Variants in CLASP2 observed in about 807,000 individuals in gnomAD.
CLASP2 encodes the protein cytoplasmic linker associated protein 2, also known as CLIP-associating protein 2.
Under a neutral mutation model 194.4 loss-of-function variants are expected in CLASP2, and 47 were observed. That is an observed-to-expected ratio of 0.24 (90% CI 0.19 to 0.31). The LOEUF (loss-of-function observed/expected upper bound fraction) is 0.31. CLASP2 is among the 10% of genes least tolerant of loss of function. The pLI is 1.00. For synonymous variants in CLASP2, 619 were observed against 633.5 expected (o/e 0.98, Z 0.34); for missense variants, 1,445 against 1,823.6 (o/e 0.79, Z 3.78).
rs538758880 is a variant in CLASP2 at position 33,714,483 on chromosome 3, C to G, written c.195+3325G>C. Among the ~76,000 whole-genome samples the G allele has an allele frequency of 5.9e-5, 9 of 152,246 alleles. No homozygotes were observed. In the East Asian group the frequency reaches 1.7e-3, roughly 29 times the overall value. On this transcript the variant is annotated intron_variant, in intron 1 of 38. Coordinates refer to ENST00000682230, the MANE Select transcript of CLASP2 (RefSeq NM_001365631.1). ...GTTCTTCTCTCAGTCTTCCCTATTTCAATAAATAGCACAATCTAACCTACT... is the reference window on the plus strand; with the variant it reads ...GTTCTTCTCTCAGTCTTCCCTATTTGAATAAATAGCACAATCTAACCTACT...
At chr3:33,647,509 T>C (rs2082467833) in intron 7 of CLASP2, among the ~76,000 whole-genome samples, 1 of 152,204 alleles carries the variant, frequency 6.6e-6, no homozygotes, top group African/African-American at 2.4e-5. Flanking sequence ...TCTTTTTCTA[T>C]AAAGGACCAC....
intron 34 of CLASP2, among the ~76,000 whole-genome samples, chr3:33,533,113 C>T (rs1288625974): frequency 6.6e-6 from 1 of 152,160 alleles, no homozygotes; most frequent in African/African-American, 2.4e-5. Context: ...GACCCATGTG[C>T]ATAAATGATT....
intron 25 of CLASP2, among the ~76,000 whole-genome samples, chr3:33,571,015 A>AT (rs1027731514): frequency 0.076 from 9,364 of 123,898 alleles, 1,181 homozygotes; most frequent in African/African-American, 0.21. Context: ...GTCTCTATAA[A>AT]TTTTTTTTTT....
intron 23 of CLASP2, among the ~76,000 whole-genome samples, chr3:33,578,786 T>C (rs574344358): frequency 1.1e-4 from 17 of 152,278 alleles, no homozygotes; most frequent in South Asian, 4.1e-4. Flanking sequence ...TTGAAGATAA[T>C]AGGTGTCTGA....
At chr3:33,645,536 C>G (rs1159873309) in intron 7 of CLASP2, 1 of 452,420 alleles carries the variant, frequency 2.2e-6, no homozygotes, top group Non-Finnish European at 3.9e-6. Flanking sequence ...ATGGCAGCTA[C>G]TGCCAGATGA....
At chr3:33,628,310 T>C (rs2078419300) in intron 9 of CLASP2, among the ~76,000 whole-genome samples, 1 of 152,134 alleles carries the variant, frequency 6.6e-6, no homozygotes, top group Admixed American at 6.6e-5. Context: ...CTCTTCACAA[T>C]ACCCCTCTGC....
chr3:33,629,411 G>A (rs2078650594), intron 9 of CLASP2, among the ~76,000 whole-genome samples: 1 of 152,170 alleles, frequency 6.6e-6, no homozygotes, highest in African/African-American at 2.4e-5. Context: ...CAGGACAGAA[G>A]GAATGCACAG....
chr3:33,592,854 G>C (rs866729311), intron 20 of CLASP2, among the ~76,000 whole-genome samples: 1 of 152,132 alleles, frequency 6.6e-6, no homozygotes, highest in Non-Finnish European at 1.5e-5. Flanking sequence ...TTATTCTCAA[G>C]TCAACCCTAC....
At position 33,498,367 on chromosome 3, in the gene CLASP2, ATGAAT is replaced by A. The variant is rs2046055270; in HGVS notation, c.*259_*263del. On this transcript the variant is annotated 3_prime_UTR_variant, in exon 39 of 39. Coordinates refer to ENST00000682230, the MANE Select transcript of CLASP2 (RefSeq NM_001365631.1). The stretch of plus-strand genomic sequence containing the variant: ...AGACAAAGTACAAACATGTGAAATG[ATGAAT>A]TAAATTAAAAATTACTTTGTGTCGA... 3.2e-6 allele frequency: 1 copy of A among 311,934 alleles called. No individual in the cohort carries two copies. The highest frequency in any genetic ancestry group is 5.8e-6 in the Non-Finnish European group (1 of 171,364). The allele number at this position is 311,934 out of a possible 1,614,324, so 19.3% of individuals were successfully genotyped here.
chr3:33,706,262 A>G (rs2092679393), intron 1 of CLASP2, among the ~76,000 whole-genome samples: 1 of 152,162 alleles, frequency 6.6e-6, no homozygotes, highest in African/African-American at 2.4e-5. Flanking sequence ...AACACACAAA[A>G]AACACACAAA....
intron 1 of CLASP2, among the ~76,000 whole-genome samples, chr3:33,713,315 C>T (rs985791740): frequency 1.3e-5 from 2 of 152,114 alleles, no homozygotes; most frequent in East Asian, 3.9e-4. Context: ...GGGGCACTGA[C>T]TCTGACAGGA....
At chr3:33,676,859 A>G (rs1414198005) in intron 6 of CLASP2, among the ~76,000 whole-genome samples, 2 of 152,248 alleles carry the variant, frequency 1.3e-5, no homozygotes, top group Non-Finnish European at 2.9e-5. Context: ...ATTTACAAGG[A>G]AAAAACAAAC....
chr3:33,525,229 T>C (rs570641179), intron 34 of CLASP2, among the ~76,000 whole-genome samples: 17 of 152,080 alleles, frequency 1.1e-4, no homozygotes, highest in African/African-American at 3.6e-4. Context: ...AACAACTACA[T>C]ACCAAAACTT....
chr3:33,680,478 CTTCACTTAA>C (rs2089630216), intron 6 of CLASP2, among the ~76,000 whole-genome samples: 1 of 152,180 alleles, frequency 6.6e-6, no homozygotes, highest in South Asian at 2.1e-4. Context: ...ATCTCTGTAC[CTTCACTTAA>C]TTTTACTGTG....
At chr3:33,529,984 C>CAAAAA (rs1169927619) in intron 34 of CLASP2, among the ~76,000 whole-genome samples, 5 of 32,240 alleles carry the variant, frequency 1.6e-4, no homozygotes, top group South Asian at 2.4e-3. Flanking sequence ...GACTCCGTCT[C>CAAAAA]AAAAAAAAAA....
At position 33,697,119 on chromosome 3, in the gene CLASP2, A is replaced by C. The variant is rs147716546; in HGVS notation, c.196-186T>G. ...AATCTCAAATGATTCAACAATAAAAACAACAATAATAACGTGTAAACAGGA... is the reference window on the plus strand; with the variant it reads ...AATCTCAAATGATTCAACAATAAAACCAACAATAATAACGTGTAAACAGGA... On this transcript the variant is annotated intron_variant, in intron 1 of 38. Coordinates refer to ENST00000682230, the MANE Select transcript of CLASP2 (RefSeq NM_001365631.1). Among the ~76,000 whole-genome samples the C allele has an allele frequency of 7.2e-3, 1,103 of 152,318 alleles. 11 individuals carry two copies. The highest frequency in any genetic ancestry group is 0.025 in the African/African-American group (1,051 of 41,570).
intron 1 of CLASP2, among the ~76,000 whole-genome samples, chr3:33,712,520 T>A (rs549018022): frequency 2.7e-4 from 41 of 151,894 alleles, no homozygotes; most frequent in Admixed American, 5.2e-4. Context: ...AATTTTTTTT[T>A]AAAAAAAGAA....
intron 32 of CLASP2, among the ~76,000 whole-genome samples, chr3:33,543,003 T>C (rs1188158448): frequency 6.6e-6 from 1 of 152,246 alleles, no homozygotes; most frequent in Non-Finnish European, 1.5e-5. Context: ...TTTCATTTGC[T>C]AAGTTTCTAC....
chr3:33,635,410 T>C (rs904253501), intron 8 of CLASP2, among the ~76,000 whole-genome samples: 1 of 152,222 alleles, frequency 6.6e-6, no homozygotes, highest in African/African-American at 2.4e-5. Context: ...CTTGTGGAAC[T>C]TGTCAAGCGG....
Sources: allele counts gnomAD v4.1 joint callset (sites outside exome capture counted in the v4.1 genomes callset), GRCh38; gene constraint gnomAD v4.1.1; transcripts MANE v1.5; gene names NCBI Gene and HGNC (gene_info 2026-07-23, HGNC 2026-07-21).